The following PRPF38A variants were observed in gnomAD, a reference collection of about 807,000 sequenced individuals.
PRPF38A encodes pre-mRNA processing factor 38A.
A neutral mutation model predicts 46.8 loss-of-function variants in PRPF38A; 11 were observed. That is an observed-to-expected ratio of 0.24 (90% CI 0.15 to 0.39). The LOEUF (loss-of-function observed/expected upper bound fraction) is 0.39. PRPF38A is among the 10% of genes least tolerant of loss of function. The pLI is 1.00. For missense variants in PRPF38A, 261 were observed against 407.5 expected (o/e 0.64, Z 3.10); for synonymous variants, 124 against 136.2 (o/e 0.91, Z 0.62).
At chr1:52,408,222 A>G in intron 2 of PRPF38A, 1 of 370,034 alleles carries the variant, frequency 2.7e-6, no homozygotes, top group Non-Finnish European at 5.3e-6. Flanking sequence ...CCTGGGCAAC[A>G]GAGCAAGACT....
At chr1:52,416,595 C>T in intron 9 of PRPF38A, 53 bp from the exon 10 acceptor site, 1 of 1,434,006 alleles carries the variant, frequency 7.0e-7, no homozygotes, top group Non-Finnish European at 9.8e-7. Flanking sequence ...AGGCGTGAGC[C>T]ACCGTGCCTG....
chr1:52,409,381 T>C (rs1342302483), intron 3 of PRPF38A: 1 of 152,278 alleles, frequency 6.6e-6, no homozygotes, highest in Non-Finnish European at 1.5e-5. Context: ...GAGGCCAACA[T>C]GGGCAGATCA....
At position 52,420,303 on chromosome 1, in the gene PRPF38A, ATCAGTAAAAGGAGTGTTAGTAAACACT is replaced by A. The variant is rs1648427769; in HGVS notation, c.*3618_*3644del. On this transcript the variant is annotated 3_prime_UTR_variant, in exon 10 of 10. Coordinates refer to ENST00000257181, the MANE Select transcript of PRPF38A (RefSeq NM_032864.4). ...CAAATTAAGGACTTAGGAACAAAGA[ATCAGTAAAAGGAGTGTTAGTAAACACT>A]TCAGAAACTTTAAAAATAATGGGCA... 6.6e-6 allele frequency: 1 copy of A among 152,236 alleles called. No individual in the cohort carries two copies. The highest frequency in any genetic ancestry group is 6.5e-5 in the Admixed American group (1 of 15,284). The allele number at this position is 152,236 out of a possible 1,614,324, so 9.4% of individuals were successfully genotyped here. A position where few individuals can be genotyped will look rare whatever the true frequency, so the allele number is the denominator to read the frequency against.
At chr1:52,413,061 C>T (rs1048392573) in intron 5 of PRPF38A, among the ~76,000 whole-genome samples, 3 of 152,306 alleles carry the variant, frequency 2.0e-5, no homozygotes, top group African/African-American at 4.8e-5. Context: ...AGCACCTCAG[C>T]TCTGCCATAT....
chr1:52,411,267 T>C (rs1338066785), intron 4 of PRPF38A, 67 bp downstream of exon 4: 4 of 1,103,432 alleles, frequency 3.6e-6, no homozygotes, highest in Non-Finnish European at 5.5e-6. Context: ...GACAAACACA[T>C]ACACACAGCT....
At chr1:52,415,940 T>C (rs1648279312) in intron 9 of PRPF38A, among the ~76,000 whole-genome samples, 1 of 142,976 alleles carries the variant, frequency 7.0e-6, no homozygotes, top group Non-Finnish European at 1.5e-5. Flanking sequence ...CCTCCTGGGC[T>C]CACGCCATTC....
At position 52,404,772 on chromosome 1, in the gene PRPF38A, A is replaced by T. The variant is rs779360363; in HGVS notation, c.23A>T (p.Asp8Val). Residue 8 changes from aspartate (D) to valine (V), a missense_variant, in exon 1 of 10, where the codon GAT becomes GTT. Asp to Val is a radical substitution (Grantham distance 152). Transcript: ENST00000257181. ...AAAATGGCTAACCGTACAGTGAAGG[A>T]TGCGCACAGCATCCATGGCACCAAC... Reference protein sequence around the residue: MANRTVKDAHSIHGTNPQ... With the variant: MANRTVKVAHSIHGTNPQ... 1 of 1,614,138 alleles carries T rather than the reference A, an allele frequency of 6.2e-7. No individual in the cohort carries two copies. The highest frequency in any genetic ancestry group is 1.7e-5 in the Admixed American group (1 of 59,992).
intron 5 of PRPF38A, among the ~76,000 whole-genome samples, chr1:52,412,875 G>A (rs888677575): frequency 6.6e-6 from 1 of 152,134 alleles, no homozygotes; most frequent in Non-Finnish European, 1.5e-5. Context: ...TGTGGTGGGT[G>A]CCTGTAATCC....
intron 3 of PRPF38A, 168 bp downstream of exon 3, chr1:52,408,858 C>G: frequency 1.4e-6 from 1 of 740,716 alleles, no homozygotes; most frequent in Non-Finnish European, 2.1e-6. Context: ...TTCAGTCTGA[C>G]TACTAGCTTC....
Position 52,414,803 on chromosome 1 carries a change from G to C in PRPF38A, c.791G>C (p.Arg264Thr). ...GAAAGGCATCGGAGCAAGAGTCCAAGACGTCACCGCAGCAGGTCCCGAGAT... is the reference window on the plus strand; with the variant it reads ...GAAAGGCATCGGAGCAAGAGTCCAACACGTCACCGCAGCAGGTCCCGAGAT... ...RRERHRSKSPRRHRSRSRDRR... is the reference protein window; with the variant it reads ...RRERHRSKSPTRHRSRSRDRR... The change falls in exon 8 of 10, where the codon AGA (arginine) becomes ACA (threonine). Residue 264 changes from arginine (R) to threonine (T), a missense_variant. Arg to Thr is a moderately conservative substitution (Grantham distance 71). This residue lies in a region of PRPF38A where 180 missense variants were observed against 221.0 expected (regional missense o/e 0.81). Coordinates refer to ENST00000257181, the MANE Select transcript of PRPF38A (RefSeq NM_032864.4). 1.2e-6 allele frequency: 2 copies of C among 1,614,184 alleles called. No homozygotes were observed. The highest frequency in any genetic ancestry group is 1.7e-6 in the Non-Finnish European group (2 of 1,180,032).
chr1:52,410,239 T>C (rs1050494153), intron 3 of PRPF38A, among the ~76,000 whole-genome samples: 2 of 147,504 alleles, frequency 1.4e-5, no homozygotes, highest in African/African-American at 4.9e-5. Flanking sequence ...GAGGCGGAGG[T>C]TGCAGTGAGC....
intron 1 of PRPF38A, among the ~76,000 whole-genome samples, chr1:52,405,440 T>C (rs1253216532): frequency 6.6e-6 from 1 of 152,256 alleles, no homozygotes; most frequent in African/African-American, 2.4e-5. Context: ...TTGCTAGAAC[T>C]TTCTTCATGA....
chr1:52,415,644 G>C (rs919447391), intron 9 of PRPF38A, among the ~76,000 whole-genome samples: 1 of 152,008 alleles, frequency 6.6e-6, no homozygotes, highest in Non-Finnish European at 1.5e-5. Context: ...TGCCTCCCGG[G>C]TTCAAGCTGA....
At chr1:52,404,943 G>A (rs1647931298) in intron 1 of PRPF38A, 64 bp downstream of exon 1, 9 of 1,587,292 alleles carry the variant, frequency 5.7e-6, no homozygotes, top group Admixed American at 1.8e-5. Context: ...GACCGAGCGC[G>A]GGTAGGACTA....
At chr1:52,416,146 T>C (rs562982286) in intron 9 of PRPF38A, among the ~76,000 whole-genome samples, 1 of 150,064 alleles carries the variant, frequency 6.7e-6, no homozygotes, top group South Asian at 2.1e-4. Context: ...GCCTGTTTGG[T>C]GTACTCTTAA....
intron 5 of PRPF38A, among the ~76,000 whole-genome samples, chr1:52,413,090 C>A (rs537809406): frequency 6.6e-6 from 1 of 152,154 alleles, no homozygotes; most frequent in Admixed American, 6.5e-5. Flanking sequence ...TATAATCTTA[C>A]GCAAATTACT....
At chr1:52,408,478 A>G in intron 2 of PRPF38A, 91 bp from the exon 3 acceptor site, 16 of 1,547,592 alleles carry the variant, frequency 1.0e-5, no homozygotes, top group Non-Finnish European at 1.4e-5. Flanking sequence ...AGAGAAGAAC[A>G]TGTTTATCCA....
chr1:52,406,354 A>G (rs1447240333), intron 2 of PRPF38A, among the ~76,000 whole-genome samples: 1 of 152,056 alleles, frequency 6.6e-6, no homozygotes, highest in Non-Finnish European at 1.5e-5. Context: ...AGTTTTGGTA[A>G]TTTTTCCCTG....
At position 52,404,730 on chromosome 1, in the gene PRPF38A, AG is replaced by A. The variant is rs1647920710; in HGVS notation, c.-19del. ...AGGCATTAAAGGATCCGACGGAAATAGAATTGAAGGCATTCTAAAATGGCTA... is the reference window on the plus strand; with the variant it reads ...AGGCATTAAAGGATCCGACGGAAATAAATTGAAGGCATTCTAAAATGGCTA... On this transcript the variant is annotated 5_prime_UTR_variant, in exon 1 of 10. Transcript: ENST00000257181. 1 of 1,610,048 alleles carries A rather than the reference AG, an allele frequency of 6.2e-7. No individual in the cohort carries two copies.
Sources: gnomAD v4.1 joint callset for allele counts (sites outside exome capture counted in the v4.1 genomes callset) on GRCh38, gnomAD v4.1.1 for gene constraint, gnomAD v4.1.1 regional missense constraint, MANE v1.5 for transcripts, NCBI Gene and HGNC (gene_info 2026-07-23, HGNC 2026-07-21) for gene names.